NAA16: variants seen among roughly 807,000 people sequenced by gnomAD.
The protein encoded by NAA16 is NARG1-like protein.
Under a neutral mutation model 110.3 loss-of-function variants are expected in NAA16, and 97 were observed. The ratio of observed to expected loss-of-function variants is 0.88; its 90% CI spans 0.75 to 1.04. NAA16 has a LOEUF of 1.04. Ranked by LOEUF, NAA16 falls within the 50% of genes least tolerant of loss-of-function variation. The pLI is 0.00. For synonymous variants in NAA16, 372 were observed against 330.6 expected (o/e 1.13, Z -1.36); for missense variants, 1,017 against 1,005.1 (o/e 1.01, Z -0.16).
intron 9 of NAA16, among the ~76,000 whole-genome samples, chr13:41,342,795 G>A (rs1008640378): frequency 1.3e-5 from 2 of 152,154 alleles, no homozygotes; most frequent in African/African-American, 4.8e-5. Context: ...ACTAATGTGT[G>A]TTGTGTATTA....
Position 41,369,273 on chromosome 13 carries a change from A to G in NAA16, c.1937A>G (p.Lys646Arg). ...CTTAAGGAAGAACTTATACCTGAAA[A>G]ATTAGAAAGGGTGAGATGGGTTTTA... The part of the protein sequence containing the change: ...SGLKEELIPE[K>R]LERVENPLEE... The change falls in exon 15 of 20, where the codon AAA (lysine) becomes AGA (arginine). Residue 646 changes from lysine to arginine, a missense_variant. By Grantham distance (26) the Lys-to-Arg change is conservative. Transcript: ENST00000379406. The G allele has an allele frequency of 6.4e-7, 1 of 1,566,288 alleles. No individual in the cohort carries two copies. The highest frequency in any genetic ancestry group is 8.6e-7 in the Non-Finnish European group (1 of 1,166,740).
intron 13 of NAA16, among the ~76,000 whole-genome samples, chr13:41,363,832 TAAAC>T (rs932612822): frequency 3.9e-5 from 6 of 152,066 alleles, no homozygotes; most frequent in African/African-American, 7.2e-5. Flanking sequence ...AGTAGAAACA[TAAAC>T]AAGAAAAGAA....
intron 6 of NAA16, among the ~76,000 whole-genome samples, chr13:41,326,777 A>AT (rs1329628966): frequency 1.3e-5 from 2 of 152,172 alleles, no homozygotes; most frequent in African/African-American, 4.8e-5. Context: ...AAAAAGGTGC[A>AT]GAGAGTTCCC....
intron 9 of NAA16, among the ~76,000 whole-genome samples, chr13:41,348,044 A>T (rs983184293): frequency 3.9e-5 from 6 of 152,192 alleles, no homozygotes; most frequent in Non-Finnish European, 8.8e-5. Context: ...TTTTATCACG[A>T]AAGTCTGTTA....
chr13:41,311,808 C>T (rs2041589793), intron 1 of NAA16, among the ~76,000 whole-genome samples: 2 of 152,194 alleles, frequency 1.3e-5, no homozygotes, highest in Admixed American at 6.5e-5. Context: ...CTGCGGCTCG[C>T]CTCACCCCCG....
At chr13:41,328,676 A>G (rs1388024452) in intron 6 of NAA16, 48 bp from the exon 7 acceptor site, 2 of 1,489,602 alleles carry the variant, frequency 1.3e-6, no homozygotes, top group Non-Finnish European at 9.2e-7. Context: ...CTGGGGTCAG[A>G]TAGATATTTA....
chr13:41,318,851 A>G lies in NAA16; in HGVS notation c.185A>G (p.Lys62Arg). Reference sequence around the variant, plus strand: ...TTAACACTGAACTGTTTAGGAAAAAAAGAAGAAGCTTATGAGTTTGTTCGT... The same window carrying G: ...TTAACACTGAACTGTTTAGGAAAAAGAGAAGAAGCTTATGAGTTTGTTCGT... The part of the protein sequence containing the change: ...KGLTLNCLGK[K>R]EEAYEFVRKG... Residue 62 changes from lysine (K) to arginine (R), a missense_variant, in exon 3 of 20, where the codon AAA (lysine) becomes AGA (arginine). Physicochemically the swap from Lys to Arg is conservative, Grantham distance 26. Coordinates refer to ENST00000379406, the MANE Select transcript of NAA16 (RefSeq NM_024561.5). The G allele has an allele frequency of 6.2e-7, 1 of 1,604,688 alleles. No individual in the cohort carries two copies. The highest frequency in any genetic ancestry group is 8.5e-7 in the Non-Finnish European group (1 of 1,175,916).
chr13:41,336,161 T>C (rs2042375612), intron 8 of NAA16, among the ~76,000 whole-genome samples: 1 of 148,416 alleles, frequency 6.7e-6, no homozygotes, highest in African/African-American at 2.6e-5. Context: ...TAAGTTCTAT[T>C]TAAAAAAAAA....
chr13:41,356,124 C>T (rs991187849), intron 10 of NAA16, among the ~76,000 whole-genome samples: 3 of 152,164 alleles, frequency 2.0e-5, no homozygotes, highest in East Asian at 1.9e-4. Context: ...GGACTACAGG[C>T]GTGTGCCACC....
intron 9 of NAA16, among the ~76,000 whole-genome samples, chr13:41,341,836 C>CT (rs398117249): frequency 0.84 from 122,484 of 145,274 alleles, 52,573 homozygotes; most frequent in South Asian, 0.98. Flanking sequence ...CAGACCAAAC[C>CT]TTTTTTTTTT....
At position 41,336,701 on chromosome 13, in the gene NAA16, A is replaced by G. The variant is rs750571305; in HGVS notation, c.959A>G (p.Lys320Arg). 1.2e-6 allele frequency: 2 copies of G among 1,610,142 alleles called. No homozygotes were observed. The highest frequency in any genetic ancestry group is 8.5e-7 in the Non-Finnish European group (1 of 1,178,024). The change falls in exon 9 of 20, where the codon AAA (lysine) becomes AGA (arginine). Residue 320 changes from lysine (K) to arginine (R), a missense_variant. Transcript: ENST00000379406. ...MDKFLRVNFS[K>R]GCPPLFTTLK... ...AAGTTCCTGAGGGTTAACTTCAGTA[A>G]AGGCTGCCCACCCTTGTTTACTACT...
intron 8 of NAA16, among the ~76,000 whole-genome samples, chr13:41,335,597 A>G (rs909753855): frequency 2.6e-5 from 4 of 152,202 alleles, no homozygotes; most frequent in East Asian, 1.9e-4. Flanking sequence ...TGATTTTTCA[A>G]AAGACCAGTA....
At chr13:41,351,827 A>T (rs1319123184) in intron 9 of NAA16, among the ~76,000 whole-genome samples, 1 of 152,172 alleles carries the variant, frequency 6.6e-6, no homozygotes, top group Admixed American at 6.5e-5. Context: ...GCGATCTCAG[A>T]TACTTAAGTG....
chr13:41,321,254 G>T (rs1418159602), intron 4 of NAA16, among the ~76,000 whole-genome samples: 1 of 152,162 alleles, frequency 6.6e-6, no homozygotes, highest in Non-Finnish European at 1.5e-5. Context: ...CCATGATTAT[G>T]CTACTGCACT....
chr13:41,353,576 G>A (rs2042898687), intron 9 of NAA16, among the ~76,000 whole-genome samples: 1 of 140,908 alleles, frequency 7.1e-6, no homozygotes, highest in African/African-American at 2.7e-5. Context: ...ACAAGCCTAG[G>A]CAATGTAGTG....
chr13:41,340,822 G>A (rs28412506), intron 9 of NAA16, among the ~76,000 whole-genome samples: 4,390 of 151,826 alleles, frequency 0.029, 202 homozygotes, highest in African/African-American at 0.098. Flanking sequence ...GACTGCAGGC[G>A]CCTGCCACCG....
chr13:41,322,558 C>T (rs2041974414), intron 4 of NAA16, among the ~76,000 whole-genome samples: 2 of 152,000 alleles, frequency 1.3e-5, no homozygotes, highest in Non-Finnish European at 2.9e-5. Flanking sequence ...CTGACCTAGA[C>T]TTTAATAAAG....
At chr13:41,318,987 A>T (rs1188848206) in intron 3 of NAA16, 77 bp downstream of exon 3, 1 of 752,520 alleles carries the variant, frequency 1.3e-6, no homozygotes, top group East Asian at 2.9e-5. Flanking sequence ...GTACTATGAA[A>T]ATTCCAAACC....
chr13:41,322,220 G>C (rs2041965162), intron 4 of NAA16, among the ~76,000 whole-genome samples: 1 of 149,686 alleles, frequency 6.7e-6, no homozygotes, highest in South Asian at 2.1e-4. Context: ...TGTCTCTAAA[G>C]AAAAAAAGGA....
Sources: gnomAD v4.1 joint callset for allele counts (sites outside exome capture counted in the v4.1 genomes callset) on GRCh38, gnomAD v4.1.1 for gene constraint, MANE v1.5 for transcripts, NCBI Gene and HGNC (gene_info 2026-07-23, HGNC 2026-07-21) for gene names.